The following RHAG variants were observed in gnomAD, a reference collection of about 807,000 sequenced individuals.
RHAG encodes the protein Rh associated glycoprotein.
Under a neutral mutation model 42.4 loss-of-function variants are expected in RHAG, and 25 were observed. That is an observed-to-expected ratio of 0.59 (90% confidence interval 0.43 to 0.82). The LOEUF is 0.82. Ranked by LOEUF, RHAG falls within the 40% of genes least tolerant of loss-of-function variation. The probability of loss-of-function intolerance (pLI) is 0.00; values close to 1 mark genes in which losing one functional copy is unlikely to be tolerated. For synonymous variants in RHAG, 182 were observed against 177.7 expected (o/e 1.02, Z -0.19); for missense variants, 483 against 504.6 (o/e 0.96, Z 0.41).
intron 1 of RHAG, among the ~76,000 whole-genome samples, chr6:49,628,569 G>A (rs1581950520): frequency 6.6e-6 from 1 of 151,996 alleles, no homozygotes; most frequent in Non-Finnish European, 1.5e-5. Context: ...TCCTTCTGGT[G>A]GGTTCGTGGT....
chr6:49,619,754 T>G (rs1350831412), intron 1 of RHAG, among the ~76,000 whole-genome samples: 1 of 152,226 alleles, frequency 6.6e-6, no homozygotes, highest in Non-Finnish European at 1.5e-5. Context: ...TTACATAGCT[T>G]TGTGTATATA....
intron 1 of RHAG, among the ~76,000 whole-genome samples, chr6:49,629,986 A>T (rs1431376947): frequency 1.3e-5 from 2 of 152,174 alleles, no homozygotes; most frequent in East Asian, 3.9e-4. Flanking sequence ...CAGCCCAGAA[A>T]GAGGTTCCCA....
intron 7 of RHAG, among the ~76,000 whole-genome samples, chr6:49,609,571 G>A (rs1468039203): frequency 6.6e-6 from 1 of 152,124 alleles, no homozygotes; most frequent in East Asian, 1.9e-4. Flanking sequence ...CTCAGGAACT[G>A]AAAAAGATGT....
intron 3 of RHAG, among the ~76,000 whole-genome samples, chr6:49,616,968 G>A (rs1368456153): frequency 1.3e-5 from 2 of 152,092 alleles, no homozygotes; most frequent in East Asian, 1.9e-4. Context: ...ATCTTGAAAC[G>A]CTCACATATT....
In RHAG at chr6:49,629,453, C is replaced by T. The variant is rs186219463; in HGVS notation, c.157+7203G>A. Among the ~76,000 whole-genome samples, 370 of 152,320 alleles carry T rather than the reference C, an allele frequency of 2.4e-3. 1 individual carries two copies. The highest frequency in any genetic ancestry group is 8.6e-3 in the African/African-American group (358 of 41,578). On this transcript the variant is annotated intron_variant, in intron 1 of 9. Coordinates refer to ENST00000371175, the MANE Select transcript of RHAG (RefSeq NM_000324.3). ...AGCTAGACATAAAGCTTCTCCAAGG[C>T]CCCACCAGACTCAGGAGCTCAGCCG...
At chr6:49,607,760 T>A (rs1414174520) in intron 7 of RHAG, among the ~76,000 whole-genome samples, 1 of 152,204 alleles carries the variant, frequency 6.6e-6, no homozygotes, top group Non-Finnish European at 1.5e-5. Flanking sequence ...TAAAAGGCCA[T>A]TGAAGTGCAT....
At chr6:49,634,956 C>CTGTGTGTGTGTGTGTGTGTG (rs72452277) in intron 1 of RHAG, among the ~76,000 whole-genome samples, 1 of 129,642 alleles carries the variant, frequency 7.7e-6, no homozygotes, top group Non-Finnish European at 1.6e-5. Flanking sequence ...GTGTGTACAC[C>CTGTGTGTGTGTGTGTGTGTG]TGTGTGTGTG....
intron 7 of RHAG, among the ~76,000 whole-genome samples, chr6:49,609,298 C>G (rs1762528469): frequency 6.6e-6 from 1 of 152,104 alleles, no homozygotes; most frequent in African/African-American, 2.4e-5. Context: ...ACCTGCATTC[C>G]CAAGGACCAG....
At chr6:49,621,148 A>G (rs1424986431) in intron 1 of RHAG, among the ~76,000 whole-genome samples, 3 of 152,108 alleles carry the variant, frequency 2.0e-5, no homozygotes, top group Non-Finnish European at 4.4e-5. Flanking sequence ...TGAGGGTAAG[A>G]GACTGTGGTA....
At chr6:49,619,810 T>G (rs1762723394) in intron 1 of RHAG, among the ~76,000 whole-genome samples, 1 of 152,234 alleles carries the variant, frequency 6.6e-6, no homozygotes, top group Non-Finnish European at 1.5e-5. Context: ...TATTTAGCAT[T>G]TGTCACACTG....
At position 49,618,199 on chromosome 6, in the gene RHAG, T is replaced by A; in HGVS notation, c.361A>T (p.Ser121Cys). ...AAAGATATCAGAACTGTGGCTGCAC[T>A]GAAGTCTGCATTTATCATGCTGAAG... ...GIKNMINADFSAATVLISFGA... is the reference protein window; with the variant it reads ...GIKNMINADFCAATVLISFGA... Residue 121 changes from serine (S) to cysteine (C), a missense_variant, in exon 3 of 10, where the codon AGT (serine) becomes TGT (cysteine). Ser to Cys is a moderately radical substitution (Grantham distance 112, BLOSUM62 -1). Transcript: ENST00000371175. 6.2e-7 allele frequency: 1 copy of A among 1,614,200 alleles called. No individual in the cohort carries two copies. Among genetic ancestry groups the A allele is most frequent in the Non-Finnish European group, 8.5e-7 (1 of 1,180,024 alleles).
intron 1 of RHAG, among the ~76,000 whole-genome samples, chr6:49,625,202 A>G (rs1762826228): frequency 6.6e-6 from 1 of 152,228 alleles, no homozygotes; most frequent in Non-Finnish European, 1.5e-5. Flanking sequence ...GTTGGAGACA[A>G]TCAATCCATG....
intron 4 of RHAG, 48 bp downstream of exon 4, chr6:49,615,576 G>A: frequency 6.2e-7 from 1 of 1,603,760 alleles, no homozygotes; most frequent in Non-Finnish European, 8.5e-7. Flanking sequence ...AACCTTCTCT[G>A]GTGCCTTTTC....
At chr6:49,622,467 C>T (rs1329601105) in intron 1 of RHAG, among the ~76,000 whole-genome samples, 1 of 152,046 alleles carries the variant, frequency 6.6e-6, no homozygotes, top group Non-Finnish European at 1.5e-5. Context: ...TCCTTGGCTT[C>T]CTAAAGTGCT....
intron 1 of RHAG, among the ~76,000 whole-genome samples, chr6:49,635,414 T>C (rs1762996327): frequency 6.6e-6 from 1 of 152,166 alleles, no homozygotes; most frequent in African/African-American, 2.4e-5. Flanking sequence ...ATTTGTTTTA[T>C]TTTTTAATAA....
At chr6:49,612,357 G>A in intron 6 of RHAG, 40 bp downstream of exon 6, 1 of 1,608,554 alleles carries the variant, frequency 6.2e-7, no homozygotes, top group Non-Finnish European at 8.5e-7. Flanking sequence ...GAAAAAAGGT[G>A]CAGATTCAGA....
intron 2 of RHAG, 34 bp downstream of exon 2, chr6:49,619,145 A>T (rs1365509390): frequency 6.2e-7 from 1 of 1,607,730 alleles, no homozygotes; most frequent in Admixed American, 1.7e-5. Flanking sequence ...ATTCTGGAGG[A>T]TGCAAACATT....
chr6:49,606,699 G>A (rs186387007), intron 9 of RHAG, 149 bp downstream of exon 9: 308 of 690,596 alleles, frequency 4.5e-4, no homozygotes, highest in South Asian at 6.6e-4. Context: ...GCCGCCCAAC[G>A]TGCTGAGATT....
At chr6:49,607,909 GT>G (rs1200403918) in intron 7 of RHAG, among the ~76,000 whole-genome samples, 8 of 152,018 alleles carry the variant, frequency 5.3e-5, no homozygotes, top group East Asian at 1.9e-4. Context: ...GAAAATAAGA[GT>G]TTTTTTGGTC....
Sources: gnomAD v4.1 joint callset for allele counts (sites outside exome capture counted in the v4.1 genomes callset) on GRCh38, gnomAD v4.1.1 for gene constraint, MANE v1.5 for transcripts, NCBI Gene and HGNC (gene_info 2026-07-23, HGNC 2026-07-21) for gene names.